Variants in TTN observed in about 807,000 individuals in gnomAD.
TTN encodes the protein connectin.
In TTN, 1,525 loss-of-function variants were observed where a neutral mutation model predicts 3,223.0. The ratio of observed to expected loss-of-function variants is 0.47; its 90% CI spans 0.45 to 0.49. TTN has a LOEUF of 0.49. Ranked by LOEUF, TTN falls within the 20% of genes least tolerant of loss-of-function variation. TTN has a pLI of 0.00. For synonymous variants in TTN, 14,094 were observed against 15,161.0 expected (o/e 0.93, Z 5.17); for missense variants, 40,786 against 43,424.0 (o/e 0.94, Z 5.40).
At position 178,561,366 on chromosome 2, in the gene TTN, G is replaced by C; in HGVS notation, c.84766C>G (p.Pro28256Ala). Residue 28256 changes from proline to alanine, a missense_variant, in exon 326 of 363, where the codon CCT (proline) becomes GCT (alanine). Pro to Ala is a conservative substitution (Grantham distance 27). Coordinates refer to ENST00000589042, the MANE Select transcript of TTN (RefSeq NM_001267550.2). ...ATATTTGTGACTTCAGGTTGTCCAG[G>C]AGGGTCACAAGGATCTCTTGCAGGG... The part of the protein sequence containing the change: ...PVPARDPCDP[P>A]GQPEVTNITR... 6.2e-7 allele frequency: 1 copy of C among 1,613,760 alleles called. No individual in the cohort carries two copies. Among genetic ancestry groups the C allele is most frequent in the East Asian group, 2.2e-5 (1 of 44,866 alleles).
chr2:178,611,806 C>T lies in TTN; in HGVS notation c.50503G>A (p.Gly16835Ser). The T allele has an allele frequency of 6.2e-7, 1 of 1,612,836 alleles. No individual in the cohort carries two copies. Among genetic ancestry groups the T allele is most frequent in the Non-Finnish European group, 8.5e-7 (1 of 1,179,244 alleles). Residue 16835 changes from glycine (G) to serine (S), a missense_variant, in exon 268 of 363, where the codon GGC (glycine) becomes AGC (serine). Coordinates refer to ENST00000589042, the MANE Select transcript of TTN (RefSeq NM_001267550.2). Reference protein sequence around the residue: ...QVRAENEAGVGHPSEPTEILS... With the variant: ...QVRAENEAGVSHPSEPTEILS... Reference sequence around the variant, plus strand: ...ATTTCTGTGGGTTCACTTGGGTGGCCAACTCCAGCTTCATTTTCAGCCCGA... The same window carrying T: ...ATTTCTGTGGGTTCACTTGGGTGGCTAACTCCAGCTTCATTTTCAGCCCGA...
Position 178,604,893 on chromosome 2 carries a change from G to C in TTN, c.54196C>G (p.Pro18066Ala). The change falls in exon 281 of 363, where the codon CCA becomes GCA. Residue 18066 changes from proline to alanine, a missense_variant. Pro to Ala is a conservative substitution (Grantham distance 27). Coordinates refer to ENST00000589042, the MANE Select transcript of TTN (RefSeq NM_001267550.2). ...ACAGCAAGATTTCTTGGTGGGGATG[G>C]GCGGTCTGGAAAGGAATCAACAGAG... ...RNVHVEVYDR[P>A]SPPRNLAVTD... is the part of the protein sequence containing the mutation. 1 of 1,611,202 alleles carries C rather than the reference G, an allele frequency of 6.2e-7. No homozygotes were observed. The highest frequency in any genetic ancestry group is 8.5e-7 in the Non-Finnish European group (1 of 1,178,504).
chr2:178,651,875 G>C lies in TTN; in HGVS notation c.39379+9C>G. The C allele has an allele frequency of 6.2e-7, 1 of 1,604,806 alleles. No homozygotes were observed. The highest frequency in any genetic ancestry group is 8.5e-7 in the Non-Finnish European group (1 of 1,175,880). On this transcript the variant is annotated intron_variant, in intron 205 of 362. Transcript: ENST00000589042. Reference sequence around the variant, plus strand: ...GCCGAGGTGTCCTAGCAGCTTTCTTGCCATGTACCTTGTGGAGGCGCCGCT... The same window carrying C: ...GCCGAGGTGTCCTAGCAGCTTTCTTCCCATGTACCTTGTGGAGGCGCCGCT...
chr2:178,538,840 C>G lies in TTN; in HGVS notation c.98990-1G>C. ...AGTTCTCCTGGTTGGCTTGGTTTAT[C>G]TGAAATATTTTAAAATAATGAAAAG... On this transcript the variant is annotated splice_acceptor_variant, in intron 353 of 362. Transcript: ENST00000589042. LOFTEE classifies it high-confidence loss of function. The G allele has an allele frequency of 6.3e-7, 1 of 1,598,056 alleles. No homozygotes were observed. Among genetic ancestry groups the G allele is most frequent in the Non-Finnish European group, 8.5e-7 (1 of 1,172,322 alleles).
At position 178,632,703 on chromosome 2, in the gene TTN, G is replaced by C; in HGVS notation, c.43303C>G (p.Pro14435Ala). Residue 14435 changes from proline (P) to alanine (A), a missense_variant, in exon 235 of 363, where the codon CCC becomes GCC. Physicochemically the swap from Pro to Ala is conservative, Grantham distance 27. Transcript: ENST00000589042. Reference protein sequence around the residue: ...AKFECEVSREPKTFRWLKGTQ... With the variant: ...AKFECEVSREAKTFRWLKGTQ... ...CCTTTTAGCCAACGGAATGTTTTGG[G>C]CTCCCTGGATACTTCACACTCAAAC... 1 of 1,613,310 alleles carries C rather than the reference G, an allele frequency of 6.2e-7. No homozygotes were observed. Among genetic ancestry groups the C allele is most frequent in the Non-Finnish European group, 8.5e-7 (1 of 1,179,532 alleles).
At chr2:178,640,322 C>T (rs1018854664) in intron 221 of TTN, among the ~76,000 whole-genome samples, 1 of 151,882 alleles carries the variant, frequency 6.6e-6, no homozygotes, top group African/African-American at 2.4e-5. Context: ...TGTTATTTAT[C>T]TCATTGCCCA....
rs771349644 is a variant in TTN, at chr2:178,707,542, T to A, written c.29025A>T (p.Ser9675=). ...SNVAGSDTTK[S]KVTIKDKPAV... Reference sequence around the variant, plus strand: ...TGTCTGTACCTTTAATGGTCACTTTTGATTTGGTAGTGTCACTTCCAGCCA... The same window carrying A: ...TGTCTGTACCTTTAATGGTCACTTTAGATTTGGTAGTGTCACTTCCAGCCA... The change falls in exon 100 of 363, where the codon TCA becomes TCT. Residue 9675 remains serine, a synonymous_variant. Transcript: ENST00000589042. 1.9e-6 allele frequency: 3 copies of A among 1,613,246 alleles called. No individual in the cohort carries two copies. The highest frequency in any genetic ancestry group is 1.3e-5 in the African/African-American group (1 of 74,928).
Position 178,546,082 on chromosome 2 carries a change from G to T in TTN, c.95154C>A (p.Ser31718Arg), listed in dbSNP as rs750110271. The T allele has an allele frequency of 2.2e-5, 35 of 1,611,858 alleles. 1 individual carries two copies. The South Asian group carries it at 3.2e-4, about 15-fold the overall frequency. Residue 31718 changes from serine to arginine, a missense_variant, in exon 343 of 363, where the codon AGC becomes AGA. Ser to Arg is a moderately radical substitution (Grantham distance 110, BLOSUM62 -1). Transcript: ENST00000589042. ...SPGPCGKLTV[S>R]RVTQEKCTLA... Reference sequence around the variant, plus strand: ...AAGTGCACTTCTCCTGTGTTACTCTGCTGACGGTGAGCTTTCCACATGGGC... The same window carrying T: ...AAGTGCACTTCTCCTGTGTTACTCTTCTGACGGTGAGCTTTCCACATGGGC...
In TTN at chr2:178,681,718, C is replaced by T. The variant is rs1206283355; in HGVS notation, c.33115G>A (p.Val11039Ile). 2.5e-6 allele frequency: 4 copies of T among 1,601,130 alleles called. No individual in the cohort carries two copies. Among genetic ancestry groups the T allele is most frequent in the Admixed American group, 3.6e-5 (2 of 56,292 alleles). Residue 11039 changes from valine (V) to isoleucine (I), a missense_variant, in exon 136 of 363, where the codon GTA becomes ATA. Transcript: ENST00000589042. Reference sequence around the variant, plus strand: ...ACTGGTTCTTCTGGGACAGGCTTTACAGGGATAGGCTTCTCTGGTTCTTTA... The same window carrying T: ...ACTGGTTCTTCTGGGACAGGCTTTATAGGGATAGGCTTCTCTGGTTCTTTA... ...YITEPEKPIP[V>I]KPVPEEPVPT... is the part of the protein sequence containing the mutation.
chr2:178,636,063 A>G lies in TTN; in HGVS notation c.41508T>C (p.Ala13836=), dbSNP rs55847232. ...TGTCATCTGCATCGTTGATGGTCAG[A>G]GCCCGCATCAAGCCAATGACGCCTG... is the stretch of plus-strand genomic sequence containing the variant. ...IVPGVIGLMR[A]LTINDADDTD... Residue 13836 remains alanine (A), a synonymous_variant, in exon 226 of 363, where the codon GCT becomes GCC. Transcript: ENST00000589042. The surrounding 1 kb of genome is among the most constrained non-coding windows in gnomAD (Gnocchi z 4.3). 41,541 of 1,613,210 alleles carry G rather than the reference A, an allele frequency of 0.026. 744 individuals are homozygous for G. The highest frequency in any genetic ancestry group is 0.093 in the East Asian group (4,149 of 44,704).
chr2:178,560,941 T>C lies in TTN; in HGVS notation c.85191A>G (p.Glu28397=), dbSNP rs1471797849. 6.8e-6 allele frequency: 11 copies of C among 1,613,718 alleles called. No homozygotes were observed. Among genetic ancestry groups the C allele is most frequent in the Non-Finnish European group, 8.5e-6 (10 of 1,179,810 alleles). The change falls in exon 326 of 363, where the codon GAA becomes GAG. Residue 28397 remains glutamate (E), a synonymous_variant. Coordinates refer to ENST00000589042, the MANE Select transcript of TTN (RefSeq NM_001267550.2). ...TTTCTGTTCTTGCTCTTTCTTCAAT[T>C]TCTATACCATCCTTGGCCCAGGAAA... ...PVISWAKDGI[E]IEERARTEII...
chr2:178,580,299 A>T (rs746170696), intron 317 of TTN, 23 bp downstream of exon 317: 2 of 1,606,668 alleles, frequency 1.2e-6, no homozygotes, highest in East Asian at 4.5e-5. Context: ...AATATATATG[A>T]TTCTTTTTTG....
chr2:178,767,201 G>A (rs2090610034), intron 40 of TTN, among the ~76,000 whole-genome samples: 1 of 152,178 alleles, frequency 6.6e-6, no homozygotes, highest in Non-Finnish European at 1.5e-5. Context: ...CTCTAGACAT[G>A]TTTCCTCCAT....
Position 178,617,914 on chromosome 2 carries a change from C to G in TTN, c.47437G>C (p.Ala15813Pro). ...GTAACAGTTGCAGACAGGTCTTCAG[C>G]TCTCACAGTCATGGCAGTATCCCAC... ...IRWDTAMTVR[A>P]EDLSATVTDV... Residue 15813 changes from alanine (A) to proline (P), a missense_variant, in exon 253 of 363, where the codon GCT becomes CCT. Transcript: ENST00000589042. The G allele has an allele frequency of 6.2e-7, 1 of 1,612,726 alleles. No individual in the cohort carries two copies. The highest frequency in any genetic ancestry group is 8.5e-7 in the Non-Finnish European group (1 of 1,179,108).
At position 178,802,328 on chromosome 2, in the gene TTN, A is replaced by G. The variant is rs1202315567; in HGVS notation, c.105T>C (p.Pro35=). 6.2e-7 allele frequency: 1 copy of G among 1,613,964 alleles called. No individual in the cohort carries two copies. The highest frequency in any genetic ancestry group is 1.3e-5 in the African/African-American group (1 of 74,938). Residue 35 remains proline (P), a synonymous_variant, in exon 3 of 363, where the codon CCT becomes CCC. Coordinates refer to ENST00000589042, the MANE Select transcript of TTN (RefSeq NM_001267550.2). ...FEAHISGFPV[P]EVSWFRDGQV... Reference sequence around the variant, plus strand: ...GGCCATCCCTAAACCAGCTCACCTCAGGAACTGGAAAACCTGAAGAGCAAG... The same window carrying G: ...GGCCATCCCTAAACCAGCTCACCTCGGGAACTGGAAAACCTGAAGAGCAAG...
chr2:178,744,488 A>G (rs2083087985), intron 47 of TTN: 1 of 856,448 alleles, frequency 1.2e-6, no homozygotes, highest in African/African-American at 1.8e-5. Flanking sequence ...ATGTTAATTT[A>G]CTGTTATTTT....
intron 24 of TTN, 58 bp from the exon 25 acceptor site, chr2:178,778,033 A>G (rs952439362): frequency 6.3e-7 from 1 of 1,577,526 alleles, no homozygotes; most frequent in Admixed American, 1.8e-5. Flanking sequence ...CAGCAAAACA[A>G]ACTTCATTTT....
chr2:178,717,777 A>G lies in TTN; in HGVS notation c.25097T>C (p.Leu8366Pro). The G allele has an allele frequency of 6.2e-7, 1 of 1,608,374 alleles. No homozygotes were observed. Among genetic ancestry groups the G allele is most frequent in the South Asian group, 1.1e-5 (1 of 90,174 alleles). The change falls in exon 87 of 363, where the codon CTG (leucine) becomes CCG (proline). Residue 8366 changes from leucine to proline, a missense_variant. Transcript: ENST00000589042. The part of the protein sequence containing the change: ...RKLPPFFARK[L>P]KDVHETLGFP... ...GCCTAGAGTCTCATGAACGTCTTTC[A>G]GTTTTCTTGCAAAGAAAGGTGGAAG...
In TTN at chr2:178,782,786, G is replaced by A. The variant is rs2154349976; in HGVS notation, c.3100+20C>T. 3 of 1,612,284 alleles carry A rather than the reference G, an allele frequency of 1.9e-6. No individual in the cohort carries two copies. The highest frequency in any genetic ancestry group is 4.5e-5 in the East Asian group (2 of 44,840). On this transcript the variant is annotated intron_variant, in intron 18 of 362. Coordinates refer to ENST00000589042, the MANE Select transcript of TTN (RefSeq NM_001267550.2). ...AAGTGATGGCATGTGCATTAGGACTGTGGGAGGGTGGCCACTAACCCTGCA... is the reference window on the plus strand; with the variant it reads ...AAGTGATGGCATGTGCATTAGGACTATGGGAGGGTGGCCACTAACCCTGCA...
Sources: gnomAD v4.1 joint callset for allele counts (sites outside exome capture counted in the v4.1 genomes callset) on GRCh38, gnomAD v4.1.1 for gene constraint, Gnocchi (gnomAD v3.1) non-coding constraint, MANE v1.5 for transcripts, NCBI Gene and HGNC (gene_info 2026-07-23, HGNC 2026-07-21) for gene names.